The following KIRREL3 variants were observed in gnomAD, a reference collection of about 807,000 sequenced individuals.
KIRREL3 encodes kirre like nephrin family adhesion molecule 3.
A neutral mutation model predicts 89.7 loss-of-function variants in KIRREL3; 36 were observed. The observed-to-expected ratio is 0.40, with a 90% confidence interval of 0.31 to 0.53. KIRREL3 has a LOEUF of 0.53. Among genes scored for constraint, KIRREL3 ranks in the 20% least tolerant of loss-of-function variants. The probability of loss-of-function intolerance (pLI) is 0.49; values close to 1 mark genes in which losing one functional copy is unlikely to be tolerated. For missense variants in KIRREL3, 864 were observed against 1,056.6 expected, an observed-to-expected ratio of 0.82 and a Z score of 2.53; for synonymous variants, 445 against 441.4, an observed-to-expected ratio of 1.01 and a Z score of -0.10.
chr11:126,719,492 T>G lies in KIRREL3; in HGVS notation c.56-156580A>C, dbSNP rs1273956536. On this transcript the variant is annotated intron_variant, in intron 1 of 16. Coordinates refer to ENST00000525144, the MANE Select transcript of KIRREL3 (RefSeq NM_032531.4). The surrounding 1 kb of genome is among the most constrained non-coding windows in gnomAD (Gnocchi z 4.7). The stretch of plus-strand genomic sequence containing the variant: ...AGGTGATCTTACTTAGTCCCATGGC[T>G]TTCATTCCACCCGCATGCTGAAGTC... 6.6e-6 allele frequency among the ~76,000 whole-genome samples: 1 copy of G among 152,182 alleles called. No homozygotes were observed.
In KIRREL3 at chr11:126,904,833, T is replaced by C. The variant is rs1477407599; in HGVS notation, c.55+95622A>G. 6.6e-6 allele frequency among the ~76,000 whole-genome samples: 1 copy of C among 152,204 alleles called. No individual in the cohort carries two copies. Among genetic ancestry groups the C allele is most frequent in the Non-Finnish European group, 1.5e-5 (1 of 68,036 alleles). On this transcript the variant is annotated intron_variant, in intron 1 of 16. Coordinates refer to ENST00000525144, the MANE Select transcript of KIRREL3 (RefSeq NM_032531.4). This position sits in a 1 kb window ranked among gnomAD's most constrained non-coding sequence, Gnocchi z 4.4. Reference sequence around the variant, plus strand: ...GCATCAATGCTATTCCTCAGAGACATTAAGATCCCAGAGAAGAGAAACTGT... The same window carrying C: ...GCATCAATGCTATTCCTCAGAGACACTAAGATCCCAGAGAAGAGAAACTGT...
rs1431354345 is a variant in KIRREL3, at chr11:126,943,635, G to A, written c.55+56820C>T. Among the ~76,000 whole-genome samples, 1 of 152,204 alleles carries A rather than the reference G, an allele frequency of 6.6e-6. No homozygotes were observed. The highest frequency in any genetic ancestry group is 1.5e-5 in the Non-Finnish European group (1 of 68,030). ...GCATAAGTGCCATCCGGGGTAGAAG[G>A]CAGGGAAAGGGCATGACTGCAGGGT... On this transcript the variant is annotated intron_variant, in intron 1 of 16. Transcript: ENST00000525144. The surrounding 1 kb of genome is among the most constrained non-coding windows in gnomAD (Gnocchi z 4.2).
intron 1 of KIRREL3, among the ~76,000 whole-genome samples, chr11:126,901,059 C>T (rs561729149): frequency 7.2e-5 from 11 of 152,048 alleles, no homozygotes; most frequent in African/African-American, 2.7e-4. Flanking sequence ...ACTAAAAATA[C>T]AAAAATTAAC....
In KIRREL3 at chr11:126,908,942, T is replaced by G. The variant is rs1946694951; in HGVS notation, c.55+91513A>C. Among the ~76,000 whole-genome samples, 1 of 152,176 alleles carries G rather than the reference T, an allele frequency of 6.6e-6. No homozygotes were observed. Among genetic ancestry groups the G allele is most frequent in the Non-Finnish European group, 1.5e-5 (1 of 68,042 alleles). ...ACATACACTTTAAATATCTAATTAC[T>G]TATAATACATAATAAAAATATATGC... On this transcript the variant is annotated intron_variant, in intron 1 of 16. Coordinates refer to ENST00000525144, the MANE Select transcript of KIRREL3 (RefSeq NM_032531.4). This position sits in a 1 kb window ranked among gnomAD's most constrained non-coding sequence, Gnocchi z 4.2.
rs1424787596 is a variant in KIRREL3, at chr11:126,892,121, A to G, written c.55+108334T>C. The stretch of plus-strand genomic sequence containing the variant: ...GGCCACTTAGCCTCCCTTGGCCTCA[A>G]TGGCTTCTTGGTGATCTTCCAATAA... On this transcript the variant is annotated intron_variant, in intron 1 of 16. Transcript: ENST00000525144. The surrounding 1 kb of genome is among the most constrained non-coding windows in gnomAD (Gnocchi z 5.4). 6.6e-6 allele frequency among the ~76,000 whole-genome samples: 1 copy of G among 152,142 alleles called. No homozygotes were observed. The highest frequency in any genetic ancestry group is 1.5e-5 in the Non-Finnish European group (1 of 68,022).
chr11:126,836,691 A>G (rs759676569), intron 1 of KIRREL3, among the ~76,000 whole-genome samples: 1 of 152,202 alleles, frequency 6.6e-6, no homozygotes, highest in African/African-American at 2.4e-5. Flanking sequence ...TCATTGCAGA[A>G]TGAGTCAATA....
chr11:126,886,671 A>G (rs1186349740), intron 1 of KIRREL3, among the ~76,000 whole-genome samples: 1 of 152,164 alleles, frequency 6.6e-6, no homozygotes, highest in Non-Finnish European at 1.5e-5. Context: ...GCATTATTGA[A>G]CAGTTGGGAT....
chr11:126,846,440 T>C (rs1468622790), intron 1 of KIRREL3, among the ~76,000 whole-genome samples: 3 of 152,118 alleles, frequency 2.0e-5, no homozygotes, highest in Admixed American at 1.3e-4. Flanking sequence ...AACAGAAAAA[T>C]AAAAATTATC....
chr11:126,953,286 G>A lies in KIRREL3; in HGVS notation c.55+47169C>T, dbSNP rs186168202. Among the ~76,000 whole-genome samples the A allele has an allele frequency of 6.7e-6, 1 of 149,866 alleles. No individual in the cohort carries two copies. On this transcript the variant is annotated intron_variant, in intron 1 of 16. Transcript: ENST00000525144. This position sits in a 1 kb window ranked among gnomAD's most constrained non-coding sequence, Gnocchi z 5.2. Reference sequence around the variant, plus strand: ...CTCATAAGTGGGTGTCGAACAATGAGAACACATGGACACAGGGAGGGGACA... The same window carrying A: ...CTCATAAGTGGGTGTCGAACAATGAAAACACATGGACACAGGGAGGGGACA...
chr11:126,592,885 G>T (rs571191225), intron 1 of KIRREL3, among the ~76,000 whole-genome samples: 3 of 152,140 alleles, frequency 2.0e-5, no homozygotes, highest in Non-Finnish European at 4.4e-5. Flanking sequence ...TGAGAGAACC[G>T]ATGCAGGCTG....
chr11:126,558,424 GAA>G lies in KIRREL3; in HGVS notation c.133+4409_133+4410del, dbSNP rs1189822474. Among the ~76,000 whole-genome samples the G allele has an allele frequency of 6.6e-6, 1 of 152,112 alleles. No individual in the cohort carries two copies. Among genetic ancestry groups the G allele is most frequent in the Non-Finnish European group, 1.5e-5 (1 of 68,038 alleles). ...CCACCCTGAAAAATGAAACCAAGCT[GAA>G]GTGTTAGAGGCTTTCCCTCTGCTCA... is the stretch of plus-strand genomic sequence containing the variant. On this transcript the variant is annotated intron_variant, in intron 2 of 16. Transcript: ENST00000525144. The surrounding 1 kb of genome is among the most constrained non-coding windows in gnomAD (Gnocchi z 4.0).
chr11:126,618,582 G>A (rs1943451374), intron 1 of KIRREL3, among the ~76,000 whole-genome samples: 1 of 152,104 alleles, frequency 6.6e-6, no homozygotes. Flanking sequence ...TTACAGGCAT[G>A]CACCACCATA....
chr11:126,554,896 T>A (rs1939583828), intron 2 of KIRREL3, among the ~76,000 whole-genome samples: 1 of 152,148 alleles, frequency 6.6e-6, no homozygotes, highest in South Asian at 2.1e-4. Flanking sequence ...TACAAGTGGC[T>A]GAGTGGTGAG....
chr11:126,849,934 A>ATTATTTGAGTAAT (rs374086948), intron 1 of KIRREL3, among the ~76,000 whole-genome samples: 46,916 of 107,522 alleles, frequency 0.44, 7,585 homozygotes, highest in East Asian at 0.63. Flanking sequence ...ATCAAAGCTG[A>ATTATTTGAGTAAT]CAACTCCCAA....
chr11:126,873,418 T>A (rs1036261185), intron 1 of KIRREL3, among the ~76,000 whole-genome samples: 14 of 152,126 alleles, frequency 9.2e-5, no homozygotes, highest in Non-Finnish European at 1.9e-4. Context: ...AGCAAACAGA[T>A]TGGGGAGCGA....
At chr11:126,506,460 A>C (rs1023426173) in intron 4 of KIRREL3, among the ~76,000 whole-genome samples, 5 of 152,266 alleles carry the variant, frequency 3.3e-5, no homozygotes, top group Non-Finnish European at 7.3e-5. Context: ...CATTTTACCA[A>C]AGAAGATACA....
intron 1 of KIRREL3, among the ~76,000 whole-genome samples, chr11:126,717,290 G>A (rs765211420): frequency 5.9e-5 from 9 of 152,130 alleles, no homozygotes; most frequent in African/African-American, 9.7e-5. Flanking sequence ...AACAGCTCCC[G>A]TCCAAGGCTG....
chr11:126,871,113 T>C (rs1945093897), intron 1 of KIRREL3, among the ~76,000 whole-genome samples: 1 of 152,172 alleles, frequency 6.6e-6, no homozygotes, highest in Non-Finnish European at 1.5e-5. Context: ...CTCTTCGGAA[T>C]CAGTTCATCC....
rs1005144580 is a variant in KIRREL3, at chr11:126,769,258, T to C, written c.56-206346A>G. On this transcript the variant is annotated intron_variant, in intron 1 of 16. Coordinates refer to ENST00000525144, the MANE Select transcript of KIRREL3 (RefSeq NM_032531.4). This position sits in a 1 kb window ranked among gnomAD's most constrained non-coding sequence, Gnocchi z 4.3. ...CCATTACCTGCTTATGTGTCCTCCCTAGCGAGTAGCCTGCAACATGGTAGG... is the reference window on the plus strand; with the variant it reads ...CCATTACCTGCTTATGTGTCCTCCCCAGCGAGTAGCCTGCAACATGGTAGG... Among the ~76,000 whole-genome samples the C allele has an allele frequency of 6.6e-6, 1 of 152,154 alleles. No individual in the cohort carries two copies. The highest frequency in any genetic ancestry group is 2.4e-5 in the African/African-American group (1 of 41,448).
Sources: gnomAD v4.1 joint callset for allele counts (sites outside exome capture counted in the v4.1 genomes callset) on GRCh38, gnomAD v4.1.1 for gene constraint, Gnocchi (gnomAD v3.1) non-coding constraint, MANE v1.5 for transcripts, NCBI Gene and HGNC (gene_info 2026-07-23, HGNC 2026-07-21) for gene names.